Variants in GALNT7 observed in about 807,000 individuals in gnomAD.
GALNT7 encodes polypeptide N-acetylgalactosaminyltransferase 7.
In GALNT7, 60 loss-of-function variants were observed where a neutral mutation model predicts 82.1. The observed-to-expected ratio is 0.73, with a 90% CI of 0.59 to 0.91. The LOEUF (loss-of-function observed/expected upper bound fraction) is 0.91. GALNT7 is among the 40% of genes least tolerant of loss of function. The probability of loss-of-function intolerance (pLI) is 0.00; values close to 1 mark genes in which losing one functional copy is unlikely to be tolerated. For missense variants in GALNT7, 660 were observed against 804.2 expected (o/e 0.82, Z 2.17); for synonymous variants, 243 against 275.1 (o/e 0.88, Z 1.15).
At chr4:173,303,535 G>T (rs1398696113) in intron 7 of GALNT7, among the ~76,000 whole-genome samples, 1 of 152,294 alleles carries the variant, frequency 6.6e-6, no homozygotes. Context: ...TTAAGCAAGG[G>T]AATAACATGA....
In GALNT7 at chr4:173,254,364, A is replaced by G. The variant is rs556730402; in HGVS notation, c.587+5924A>G. ...TGTGAGGTTTTCTTATTCTCTATCC[A>G]TATTAAAGGTTCTCTTTGATATCTA... is the stretch of plus-strand genomic sequence containing the variant. On this transcript the variant is annotated intron_variant, in intron 2 of 11. Transcript: ENST00000265000. 2.0e-5 allele frequency among the ~76,000 whole-genome samples: 3 copies of G among 152,316 alleles called. No individual in the cohort carries two copies. In the East Asian group the frequency reaches 5.8e-4, roughly 29 times the overall value.
chr4:173,233,765 C>A (rs1424794358), intron 1 of GALNT7, among the ~76,000 whole-genome samples: 1 of 152,008 alleles, frequency 6.6e-6, no homozygotes, highest in African/African-American at 2.4e-5. Flanking sequence ...TTGATTACCC[C>A]TTCTCTCACA....
intron 2 of GALNT7, among the ~76,000 whole-genome samples, chr4:173,277,921 A>G (rs1038856560): frequency 6.6e-6 from 1 of 152,220 alleles, no homozygotes; most frequent in Non-Finnish European, 1.5e-5. Context: ...AGCCTCTTAC[A>G]GCACCAGCTA....
rs953682252 is a variant in GALNT7, at chr4:173,285,981, G to A, written c.588-6127G>A. Among the ~76,000 whole-genome samples the A allele has an allele frequency of 4.6e-5, 7 of 151,884 alleles. No homozygotes were observed. In the East Asian group the frequency reaches 1.4e-3, roughly 29 times the overall value. ...TTCACGTATGCATCAAGAATGATAA[G>A]ACACAGTGGAAAAAAGTAATTCAGT... On this transcript the variant is annotated intron_variant, in intron 2 of 11. Coordinates refer to ENST00000265000, the MANE Select transcript of GALNT7 (RefSeq NM_017423.3).
At chr4:173,270,229 G>C (rs1369788496) in intron 2 of GALNT7, among the ~76,000 whole-genome samples, 2 of 152,104 alleles carry the variant, frequency 1.3e-5, no homozygotes, top group African/African-American at 4.8e-5. Context: ...TTAAACTGTG[G>C]CAATAACCCT....
At chr4:173,298,951 G>C (rs1736817583) in intron 6 of GALNT7, among the ~76,000 whole-genome samples, 1 of 152,184 alleles carries the variant, frequency 6.6e-6, no homozygotes, top group Non-Finnish European at 1.5e-5. Context: ...GGTTCTTTCA[G>C]TAGAACAACT....
rs1448941634 is a variant in GALNT7, at chr4:173,223,741, A to AG, written c.127-24238dup. Reference sequence around the variant, plus strand: ...GACTAGTACAATGAACATTCATACAAGTACCTCCTAAATTCAATAGCTGTT... The same window carrying AG: ...GACTAGTACAATGAACATTCATACAAGGTACCTCCTAAATTCAATAGCTGTT... On this transcript the variant is annotated intron_variant, in intron 1 of 11. Coordinates refer to ENST00000265000, the MANE Select transcript of GALNT7 (RefSeq NM_017423.3). Among the ~76,000 whole-genome samples the AG allele has an allele frequency of 2.0e-5, 3 of 152,330 alleles. No homozygotes were observed. The South Asian group carries it at 6.2e-4, about 32-fold the overall frequency.
intron 8 of GALNT7, among the ~76,000 whole-genome samples, chr4:173,312,679 A>G (rs1201309675): frequency 6.6e-6 from 1 of 152,270 alleles, no homozygotes; most frequent in Non-Finnish European, 1.5e-5. Flanking sequence ...CCATTCATTC[A>G]TCAATTAAAG....
intron 1 of GALNT7, among the ~76,000 whole-genome samples, chr4:173,236,064 T>A (rs1267490831): frequency 6.6e-6 from 1 of 152,160 alleles, no homozygotes; most frequent in Non-Finnish European, 1.5e-5. Flanking sequence ...AGTTAGGCAT[T>A]TGAAAGGAAT....
chr4:173,230,565 A>G (rs1733997059), intron 1 of GALNT7, among the ~76,000 whole-genome samples: 1 of 152,228 alleles, frequency 6.6e-6, no homozygotes, highest in African/African-American at 2.4e-5. Flanking sequence ...TCTGTTTACT[A>G]TATAAATCAG....
At chr4:173,255,659 A>T (rs796716871) in intron 2 of GALNT7, among the ~76,000 whole-genome samples, 22 of 152,172 alleles carry the variant, frequency 1.4e-4, no homozygotes, top group African/African-American at 4.8e-4. Context: ...ACCAACACAG[A>T]GATTAAGGGA....
intron 2 of GALNT7, among the ~76,000 whole-genome samples, chr4:173,288,380 T>C (rs1327984979): frequency 6.6e-6 from 1 of 150,856 alleles, no homozygotes; most frequent in Non-Finnish European, 1.5e-5. Context: ...AGATGGGTCA[T>C]GGAGCCTGGT....
intron 2 of GALNT7, among the ~76,000 whole-genome samples, chr4:173,258,633 A>G (rs958087654): frequency 1.3e-5 from 2 of 152,218 alleles, no homozygotes; most frequent in Non-Finnish European, 2.9e-5. Context: ...TCCTGTGCTT[A>G]TAACCATACT....
rs1734729517 is a variant in GALNT7 at position 173,248,220 on chromosome 4, C to T, written c.367C>T (p.His123Tyr). 1 of 1,613,822 alleles carries T rather than the reference C, an allele frequency of 6.2e-7. No homozygotes were observed. Among genetic ancestry groups the T allele is most frequent in the African/African-American group, 1.3e-5 (1 of 74,910 alleles). Reference sequence around the variant, plus strand: ...ATTTAAGCCTCAGACATTCACCTACCATGATCCTGTGCTTCGCCCAGGGAT... The same window carrying T: ...ATTTAAGCCTCAGACATTCACCTACTATGATCCTGTGCTTCGCCCAGGGAT... The part of the protein sequence containing the change: ...LTFKPQTFTY[H>Y]DPVLRPGILG... Residue 123 changes from histidine to tyrosine, a missense_variant, in exon 2 of 12, where the codon CAT becomes TAT. His to Tyr is a moderately conservative substitution (Grantham distance 83). This residue lies in a region of GALNT7 where 527 missense variants were observed against 683.5 expected (regional missense o/e 0.77). Coordinates refer to ENST00000265000, the MANE Select transcript of GALNT7 (RefSeq NM_017423.3).
At chr4:173,169,804 T>C (rs1283659391) in intron 1 of GALNT7, among the ~76,000 whole-genome samples, 1 of 151,838 alleles carries the variant, frequency 6.6e-6, no homozygotes, top group Non-Finnish European at 1.5e-5. Context: ...GCAGTTCCTC[T>C]TCCTTGGCTG....
intron 2 of GALNT7, among the ~76,000 whole-genome samples, chr4:173,272,143 C>G (rs1735749090): frequency 6.6e-6 from 1 of 152,196 alleles, no homozygotes; most frequent in Non-Finnish European, 1.5e-5. Context: ...AGTCTCTCCT[C>G]TGCTCTCCAT....
intron 6 of GALNT7, among the ~76,000 whole-genome samples, chr4:173,300,923 C>T (rs746273710): frequency 2.0e-5 from 3 of 151,992 alleles, no homozygotes; most frequent in African/African-American, 4.8e-5. Flanking sequence ...CTTTTGAGCC[C>T]AGGAGTTCTA....
At chr4:173,241,223 A>AAAAG (rs3052274) in intron 1 of GALNT7, among the ~76,000 whole-genome samples, 68,085 of 146,556 alleles carry the variant, frequency 0.46, 16,614 homozygotes, top group East Asian at 0.74. Context: ...AAAAAAAAAA[A>AAAAG]AAGAAAGAAA....
chr4:173,173,018 C>T (rs1209969841), intron 1 of GALNT7, among the ~76,000 whole-genome samples: 1 of 152,046 alleles, frequency 6.6e-6, no homozygotes, highest in Non-Finnish European at 1.5e-5. Context: ...CATCATTATT[C>T]AGGTGGGACA....
Sources: allele counts gnomAD v4.1 joint callset (sites outside exome capture counted in the v4.1 genomes callset), GRCh38; gene constraint gnomAD v4.1.1; regional missense constraint gnomAD v4.1.1; transcripts MANE v1.5; gene names NCBI Gene and HGNC (gene_info 2026-07-23, HGNC 2026-07-21).